The following PLEKHN1 variants were observed in gnomAD, a reference collection of about 807,000 sequenced individuals.
PLEKHN1 encodes pleckstrin homology domain-containing family N member 1.
PLEKHN1 carries 68 observed loss-of-function variants against 72.8 expected under a neutral mutation model. That is an observed-to-expected ratio of 0.93 (90% CI 0.77 to 1.14). PLEKHN1 has a LOEUF of 1.14. Ranked by LOEUF, PLEKHN1 falls within the 50% of genes most tolerant of loss-of-function variation. The pLI is 0.00. For missense variants in PLEKHN1, 1,015 were observed against 840.5 expected (o/e 1.21, Z -2.57); for synonymous variants, 454 against 371.6 (o/e 1.22, Z -2.55).
chr1:968,073 C>G (rs1235847244), intron 2 of PLEKHN1, among the ~76,000 whole-genome samples: 2 of 152,226 alleles, frequency 1.3e-5, no homozygotes, highest in Non-Finnish European at 2.9e-5. Flanking sequence ...CCCGGGGCCC[C>G]GAGGCTGAGC....
chr1:966,711 AGC>A lies in PLEKHN1; in HGVS notation c.97_98del (p.Arg33AspfsTer255). On this transcript the variant is annotated frameshift_variant, in exon 2 of 16. Coordinates refer to ENST00000379410, the MANE Select transcript of PLEKHN1 (RefSeq NM_032129.3). LOFTEE classifies it high-confidence loss of function. ...KPSLKGNRED[S>X]ARMSAGLPGP... The stretch of plus-strand genomic sequence containing the variant: ...CCCTTGCCTTGTCCCCAGAGAGGAC[AGC>A]GCGCGGATGTCGGCCGGCCTGCCGG... 2 of 1,575,018 alleles carry A rather than the reference AGC, an allele frequency of 1.3e-6. No homozygotes were observed. Among genetic ancestry groups the A allele is most frequent in the Non-Finnish European group, 1.7e-6 (2 of 1,160,202 alleles).
rs143179845 is a variant in PLEKHN1 at position 970,577 on chromosome 1, C to A, written c.387C>A (p.His129Gln). Residue 129 changes from histidine to glutamine, a missense_variant, in exon 4 of 16, where the codon CAC (histidine) becomes CAA (glutamine). Physicochemically the swap from His to Gln is conservative, Grantham distance 24. Transcript: ENST00000379410. This position sits in a 1 kb window ranked among gnomAD's most constrained non-coding sequence, Gnocchi z 4.2. ...LFPAHLYFQA[H>Q]GSEGLTFQGL... ...CCGCCCACCTGTACTTCCAGGCCCA[C>A]GGCTCGGAAGGACTCACATTTCAGG... The A allele has an allele frequency of 6.2e-7, 1 of 1,612,930 alleles. No individual in the cohort carries two copies. The highest frequency in any genetic ancestry group is 8.5e-7 in the Non-Finnish European group (1 of 1,179,910).
intron 14 of PLEKHN1, 41 bp from the exon 15 acceptor site, chr1:974,275 G>A (rs377285532): frequency 1.6e-5 from 25 of 1,612,706 alleles, no homozygotes; most frequent in Non-Finnish European, 1.9e-5. Context: ...TCCCTGCCTG[G>A]GGCTGTGCCC....
In PLEKHN1 at chr1:974,606, C is replaced by T. The variant is rs773063501; in HGVS notation, c.*31C>T. 6.3e-7 allele frequency: 1 copy of T among 1,589,840 alleles called. No homozygotes were observed. The highest frequency in any genetic ancestry group is 1.7e-5 in the Admixed American group (1 of 57,326). ...GCGGTGAGGTGGGTTCTCAGGACCA[C>T]CCTCGCCAAGCTCCAGGGTACCTGC... is the stretch of plus-strand genomic sequence containing the variant. On this transcript the variant is annotated 3_prime_UTR_variant, in exon 16 of 16. Coordinates refer to ENST00000379410, the MANE Select transcript of PLEKHN1 (RefSeq NM_032129.3).
intron 2 of PLEKHN1, among the ~76,000 whole-genome samples, chr1:968,017 C>T (rs1380665253): frequency 6.6e-6 from 1 of 152,238 alleles, no homozygotes; most frequent in African/African-American, 2.4e-5. Context: ...GGGCTCTGCA[C>T]CCAGTGCTGT....
intron 13 of PLEKHN1, 23 bp downstream of exon 13, chr1:973,663 G>GT: frequency 6.2e-7 from 1 of 1,608,900 alleles, no homozygotes; most frequent in Non-Finnish European, 8.5e-7. Flanking sequence ...CTGGGTGACA[G>GT]AAAGGGTGGG....
In PLEKHN1 at chr1:970,085, G is replaced by A. The variant is rs1185024253; in HGVS notation, c.184-192G>A. The stretch of plus-strand genomic sequence containing the variant: ...GGCTGTGCACAGGTTCTGTGCCTGT[G>A]GGGGGCTGTTCTTCACGTATGTGTT... On this transcript the variant is annotated intron_variant, in intron 2 of 15. Transcript: ENST00000379410. This position sits in a 1 kb window ranked among gnomAD's most constrained non-coding sequence, Gnocchi z 4.2. Among the ~76,000 whole-genome samples the A allele has an allele frequency of 1.4e-5, 2 of 147,214 alleles. No individual in the cohort carries two copies. The highest frequency in any genetic ancestry group is 5.0e-5 in the African/African-American group (2 of 39,836).
Position 966,522 on chromosome 1 carries a change from G to T in PLEKHN1, c.-10G>T. On this transcript the variant is annotated 5_prime_UTR_variant, in exon 1 of 16. Transcript: ENST00000379410. ...GGGACCCAGACTTGCCGACCTGTAC[G>T]ACTCTGGCCATGGGGAACAGCCACT... 2.5e-6 allele frequency: 4 copies of T among 1,597,468 alleles called. No homozygotes were observed. The highest frequency in any genetic ancestry group is 3.4e-6 in the Non-Finnish European group (4 of 1,168,254).
chr1:974,268 C>G (rs1279189898), intron 14 of PLEKHN1, 48 bp from the exon 15 acceptor site: 1 of 1,612,570 alleles, frequency 6.2e-7, no homozygotes, highest in East Asian at 2.2e-5. Context: ...TCCAAGCTCC[C>G]TGCCTGGGGC....
chr1:971,301 T>C (rs1643315001), intron 7 of PLEKHN1, 23 bp from the exon 8 acceptor site: 3 of 1,558,752 alleles, frequency 1.9e-6, no homozygotes, highest in Non-Finnish European at 1.7e-6. Context: ...CCTCATCGCC[T>C]GACCCCACCC....
Position 972,091 on chromosome 1 carries a change from G to A in PLEKHN1, c.806G>A (p.Arg269His), listed in dbSNP as rs372788067. 168 of 1,612,890 alleles carry A rather than the reference G, an allele frequency of 1.0e-4. No individual in the cohort carries two copies. The highest frequency in any genetic ancestry group is 1.3e-4 in the Non-Finnish European group (158 of 1,179,892). Residue 269 changes from arginine to histidine, a missense_variant, in exon 9 of 16, where the codon CGT becomes CAT. Physicochemically the swap from Arg to His is conservative, Grantham distance 29. Coordinates refer to ENST00000379410, the MANE Select transcript of PLEKHN1 (RefSeq NM_032129.3). ...GCTCCGCAGGGGGAGCTCCCACTCC[G>A]TGCCGTCCACATCAACCTGGAGGAG... ...GLCFKGELPL[R>H]AVHINLEEKE... is the part of the protein sequence containing the mutation.
At chr1:972,564 G>C (rs535917574) in intron 10 of PLEKHN1, 140 bp downstream of exon 10, 295 of 1,148,930 alleles carry the variant, frequency 2.6e-4, no homozygotes, top group Non-Finnish European at 3.4e-4. Flanking sequence ...TCAGGGGTTC[G>C]AGATCAGCCT....
chr1:972,346 G>C lies in PLEKHN1; in HGVS notation c.924G>C (p.Trp308Cys). 3.7e-6 allele frequency: 6 copies of C among 1,611,820 alleles called. No individual in the cohort carries two copies. The highest frequency in any genetic ancestry group is 5.1e-6 in the Non-Finnish European group (6 of 1,179,660). Reference sequence around the variant, plus strand: ...CCAGCTACGAGGACTACGGTCACTGGCTGCTGTGCCTTCGCGCTGTCACCC... The same window carrying C: ...CCAGCTACGAGGACTACGGTCACTGCCTGCTGTGCCTTCGCGCTGTCACCC... ...VCASYEDYGH[W>C]LLCLRAVTHR... The change falls in exon 10 of 16, where the codon TGG (tryptophan) becomes TGC (cysteine). Residue 308 changes from tryptophan (W) to cysteine (C), a missense_variant. Coordinates refer to ENST00000379410, the MANE Select transcript of PLEKHN1 (RefSeq NM_032129.3).
At chr1:971,750 G>T (rs574702114) in intron 8 of PLEKHN1, among the ~76,000 whole-genome samples, 5 of 152,240 alleles carry the variant, frequency 3.3e-5, no homozygotes, top group Admixed American at 3.3e-4. Context: ...GGAAGGGGGT[G>T]TGCACTCACG....
chr1:974,408 C>T, intron 15 of PLEKHN1, 34 bp from the exon 16 acceptor site: 3 of 1,612,910 alleles, frequency 1.9e-6, no homozygotes, highest in South Asian at 2.2e-5. Context: ...CTGTTGCCTC[C>T]CACAGGCTGA....
intron 8 of PLEKHN1, chr1:971,605 G>C: frequency 1.6e-6 from 1 of 617,662 alleles, no homozygotes; most frequent in African/African-American, 1.8e-5. Flanking sequence ...TTCTCACCCT[G>C]AGGTTCTTGA....
In PLEKHN1 at chr1:972,844, A is replaced by T. The variant is rs879785559; in HGVS notation, c.1003-17A>T. 39 of 1,534,170 alleles carry T rather than the reference A, an allele frequency of 2.5e-5. No individual in the cohort carries two copies. Among genetic ancestry groups the T allele is most frequent in the Non-Finnish European group, 3.2e-5 (36 of 1,137,068 alleles). ...GGGGGTCCAGCCCTCACTCACCCCCACTCACTGCCCATCCAGGTTATGGGC... is the reference window on the plus strand; with the variant it reads ...GGGGGTCCAGCCCTCACTCACCCCCTCTCACTGCCCATCCAGGTTATGGGC... On this transcript the variant is annotated splice_polypyrimidine_tract_variant and intron_variant, in intron 10 of 15. Transcript: ENST00000379410.
chr1:967,376 ACCC>A (rs33930611), intron 2 of PLEKHN1, among the ~76,000 whole-genome samples: 3 of 145,362 alleles, frequency 2.1e-5, no homozygotes, highest in Admixed American at 1.4e-4. Context: ...CCCCATGCCC[ACCC>A]CCCCCCCAGC....
chr1:974,292 C>T (rs569082588), intron 14 of PLEKHN1, 24 bp from the exon 15 acceptor site: 6 of 1,612,942 alleles, frequency 3.7e-6, no homozygotes, highest in Non-Finnish European at 5.1e-6. Context: ...GCCCGGCTCT[C>T]AGACTTGCGG....
Sources: gnomAD v4.1 joint callset for allele counts (sites outside exome capture counted in the v4.1 genomes callset) on GRCh38, gnomAD v4.1.1 for gene constraint, Gnocchi (gnomAD v3.1) non-coding constraint, MANE v1.5 for transcripts, NCBI Gene and HGNC (gene_info 2026-07-23, HGNC 2026-07-21) for gene names.